The following MIPEP variants were observed in gnomAD, a reference collection of about 807,000 sequenced individuals.
MIPEP encodes the protein mitochondrial intermediate peptidase.
A neutral mutation model predicts 90.3 loss-of-function variants in MIPEP; 79 were observed. The ratio of observed to expected loss-of-function variants is 0.87; its 90% confidence interval spans 0.73 to 1.05. The LOEUF (loss-of-function observed/expected upper bound fraction) is 1.05, where lower values mean the gene tolerates loss of function less well. MIPEP is among the 50% of genes least tolerant of loss of function. The pLI is 0.00. For missense variants in MIPEP, 940 were observed against 905.6 expected (o/e 1.04, Z -0.49); for synonymous variants, 334 against 315.8 (o/e 1.06, Z -0.61).
rs1011929954 is a variant in MIPEP at position 23,756,581 on chromosome 13, G to A, written c.2008C>T (p.His670Tyr). The A allele has an allele frequency of 6.2e-7, 1 of 1,613,782 alleles. No homozygotes were observed. The highest frequency in any genetic ancestry group is 8.5e-7 in the Non-Finnish European group (1 of 1,180,038). The part of the protein sequence containing the change: ...GERYRREMLA[H>Y]GGGREPMLMV... ...AGCATGGGCTCCCTGCCTCCACCGT[G>A]GGCCAGCATCTCCCTGCGATAGCGC... The change falls in exon 18 of 19, where the codon CAC (histidine) becomes TAC (tyrosine). Residue 670 changes from histidine (H) to tyrosine (Y), a missense_variant. By Grantham distance (83) the His-to-Tyr change is moderately conservative. Transcript: ENST00000382172.
chr13:23,809,156 T>A (rs1232382419), intron 15 of MIPEP, among the ~76,000 whole-genome samples: 1 of 152,148 alleles, frequency 6.6e-6, no homozygotes, highest in Non-Finnish European at 1.5e-5. Flanking sequence ...TTGAATATTA[T>A]CTAAAACTAA....
chr13:23,888,018 A>G, intron 1 of MIPEP: 1 of 399,614 alleles, frequency 2.5e-6, no homozygotes, highest in East Asian at 7.3e-5. Context: ...CCATAATGCT[A>G]AAAAACTGAA....
intron 16 of MIPEP, among the ~76,000 whole-genome samples, chr13:23,787,407 A>G (rs75567367): frequency 1.2e-4 from 7 of 56,684 alleles, no homozygotes; most frequent in African/African-American, 7.7e-4. Context: ...GGGGAGAGGG[A>G]GAGAGAGAGA....
At chr13:23,828,835 A>C (rs1424230734) in intron 14 of MIPEP, among the ~76,000 whole-genome samples, 1 of 152,244 alleles carries the variant, frequency 6.6e-6, no homozygotes, top group East Asian at 1.9e-4. Flanking sequence ...AAAGAATACA[A>C]AGGTCCAAGA....
chr13:23,849,995 A>C (rs146042483), intron 10 of MIPEP, among the ~76,000 whole-genome samples: 45 of 152,366 alleles, frequency 3.0e-4, no homozygotes, highest in African/African-American at 1.1e-3. Flanking sequence ...ACACAGCTTC[A>C]GTCTCACCTT....
At chr13:23,753,443 C>T (rs1291736690) in intron 18 of MIPEP, among the ~76,000 whole-genome samples, 1 of 152,130 alleles carries the variant, frequency 6.6e-6, no homozygotes, top group African/African-American at 2.4e-5. Flanking sequence ...ATTATGTTGC[C>T]TTCAAATGGT....
intron 18 of MIPEP, among the ~76,000 whole-genome samples, chr13:23,742,586 A>G (rs960444104): frequency 1.3e-5 from 2 of 152,222 alleles, no homozygotes; most frequent in African/African-American, 4.8e-5. Flanking sequence ...TCCTAGTTCA[A>G]GAGTTGAAGG....
At chr13:23,791,435 C>T (rs994521532) in intron 16 of MIPEP, among the ~76,000 whole-genome samples, 2 of 152,204 alleles carry the variant, frequency 1.3e-5, no homozygotes, top group Non-Finnish European at 2.9e-5. Context: ...CATTTGCATG[C>T]TCAGCTGGTG....
At position 23,756,599 on chromosome 13, in the gene MIPEP, G is replaced by C; in HGVS notation, c.1990C>G (p.Arg664Gly). 1.9e-6 allele frequency: 3 copies of C among 1,613,544 alleles called. No homozygotes were observed. The highest frequency in any genetic ancestry group is 2.5e-6 in the Non-Finnish European group (3 of 1,180,020). The part of the protein sequence containing the change: ...PFNRAAGERY[R>G]REMLAHGGGR... ...CCACCGTGGGCCAGCATCTCCCTGC[G>C]ATAGCGCTCCCCGGCAGCCCTGGGG... The change falls in exon 18 of 19, where the codon CGC (arginine) becomes GGC (glycine). Residue 664 changes from arginine (R) to glycine (G), a missense_variant. By Grantham distance (125) the Arg-to-Gly change is moderately radical. Transcript: ENST00000382172.
At chr13:23,798,075 C>T (rs1200483404) in intron 16 of MIPEP, among the ~76,000 whole-genome samples, 2 of 152,106 alleles carry the variant, frequency 1.3e-5, no homozygotes, top group African/African-American at 4.8e-5. Context: ...GTAGTAGGCA[C>T]TTAATAAAAA....
chr13:23,885,905 T>C, intron 2 of MIPEP, among the ~76,000 whole-genome samples: 1 of 135,980 alleles, frequency 7.4e-6, no homozygotes, highest in African/African-American at 2.7e-5. Flanking sequence ...GGAGACCCTG[T>C]CTCTATTAAA....
rs1197743961 is a variant in MIPEP, at chr13:23,781,579, G to A, written c.1849-21362C>T. Among the ~76,000 whole-genome samples, 5 of 152,162 alleles carry A rather than the reference G, an allele frequency of 3.3e-5. No homozygotes were observed. The East Asian group carries it at 7.7e-4, about 23-fold the overall frequency. The stretch of plus-strand genomic sequence containing the variant: ...CAAAATAACCAGCTAACATCATAAT[G>A]ACAGGATCAAATTCACACATAATAA... On this transcript the variant is annotated intron_variant, in intron 16 of 18. Coordinates refer to ENST00000382172, the MANE Select transcript of MIPEP (RefSeq NM_005932.4).
At chr13:23,767,954 G>A (rs1267697229) in intron 16 of MIPEP, among the ~76,000 whole-genome samples, 3 of 152,180 alleles carry the variant, frequency 2.0e-5, no homozygotes, top group Admixed American at 2.0e-4. Flanking sequence ...TGCTGTGGCA[G>A]TGACTGCATT....
At chr13:23,808,858 G>C (rs931299083) in intron 15 of MIPEP, among the ~76,000 whole-genome samples, 1 of 152,202 alleles carries the variant, frequency 6.6e-6, no homozygotes, top group African/African-American at 2.4e-5. Context: ...CAGAAAAACA[G>C]AGCACATTTA....
chr13:23,837,562 T>C lies in MIPEP; in HGVS notation c.1533A>G (p.Gln511=). 1 of 1,610,766 alleles carries C rather than the reference T, an allele frequency of 6.2e-7. No homozygotes were observed. Among genetic ancestry groups the C allele is most frequent in the Non-Finnish European group, 8.5e-7 (1 of 1,177,054 alleles). Residue 511 remains glutamine, a synonymous_variant, in exon 13 of 19, where the codon CAA becomes CAG. Transcript: ENST00000382172. ...CTCCTCATGGCTCACCAGTGACGTG[T>C]TGGTAACGAGTACGTCCTAGCATTG... ...MHSMLGRTRY[Q]HVTGTRCPTD...
At position 23,874,870 on chromosome 13, in the gene MIPEP, A is replaced by T. The variant is rs566902063; in HGVS notation, c.579T>A (p.Ser193Arg). ...CCTTTTCTTTGTCTAGATGGATTCC[A>T]CTAATTTCAAAATCAAACATAAACA... The part of the protein sequence containing the change: ...AELFMFDFEI[S>R]GIHLDKEKRK... The change falls in exon 5 of 19, where the codon AGT (serine) becomes AGA (arginine). Residue 193 changes from serine (S) to arginine (R), a missense_variant. Transcript: ENST00000382172. 2 of 1,601,102 alleles carry T rather than the reference A, an allele frequency of 1.2e-6. No homozygotes were observed. The highest frequency in any genetic ancestry group is 2.3e-5 in the East Asian group (1 of 43,948).
chr13:23,865,672 A>ATC (rs138371711), intron 7 of MIPEP, among the ~76,000 whole-genome samples: 31,035 of 68,798 alleles, frequency 0.45, 4,063 homozygotes, highest in East Asian at 0.65. Flanking sequence ...GCCTCAATTA[A>ATC]TTTTTTTTTT....
chr13:23,841,740 G>A (rs1389278289), intron 10 of MIPEP, among the ~76,000 whole-genome samples: 1 of 152,062 alleles, frequency 6.6e-6, no homozygotes, highest in Non-Finnish European at 1.5e-5. Context: ...TCCCTTCCCT[G>A]TTATTTACTC....
chr13:23,761,920 T>C (rs573895999), intron 16 of MIPEP, among the ~76,000 whole-genome samples: 1 of 152,288 alleles, frequency 6.6e-6, no homozygotes, highest in East Asian at 1.9e-4. Context: ...AGGCCAGGAA[T>C]TCGAGACCAG....
Sources: gnomAD v4.1 joint callset for allele counts (sites outside exome capture counted in the v4.1 genomes callset) on GRCh38, gnomAD v4.1.1 for gene constraint, MANE v1.5 for transcripts, NCBI Gene and HGNC (gene_info 2026-07-23, HGNC 2026-07-21) for gene names.